The following TOMM7 variants were observed in gnomAD, a reference collection of about 807,000 sequenced individuals.
The protein encoded by TOMM7 is translocase of outer mitochondrial membrane 7, also known as mitochondrial import receptor subunit TOM7 homolog.
A neutral mutation model predicts 9.5 loss-of-function variants in TOMM7; 8 were observed. That is an observed-to-expected ratio of 0.84 (90% CI 0.49 to 1.51). The LOEUF is 1.51. TOMM7 is among the 40% of genes most tolerant of loss of function. The pLI is 0.00. For missense variants in TOMM7, 74 were observed against 63.7 expected, an observed-to-expected ratio of 1.16 and a Z score of -0.55; for synonymous variants, 27 against 21.4, an observed-to-expected ratio of 1.26 and a Z score of -0.72.
chr7:22,818,150 A>T, intron 1 of TOMM7, 102 bp from the exon 2 acceptor site: 1 of 1,118,884 alleles, frequency 8.9e-7, no homozygotes, highest in Non-Finnish European at 1.3e-6. Flanking sequence ...AACCTAGGAT[A>T]GTTAGAATGA....
intron 1 of TOMM7, chr7:22,822,184 C>A (rs771915556): frequency 1.9e-6 from 3 of 1,550,768 alleles, no homozygotes; most frequent in South Asian, 2.4e-5. Context: ...TAGAAATCAT[C>A]CAAACCCTTC....
At chr7:22,819,660 T>A (rs1009820896) in intron 1 of TOMM7, among the ~76,000 whole-genome samples, 20 of 152,216 alleles carry the variant, frequency 1.3e-4, no homozygotes, top group Non-Finnish European at 2.9e-4. Flanking sequence ...CTGCAGGAGA[T>A]TAACTGGAGT....
At chr7:22,822,532 C>A (rs1210840088) in intron 1 of TOMM7, 145 bp downstream of exon 1, 2 of 781,760 alleles carry the variant, frequency 2.6e-6, no homozygotes, top group Non-Finnish European at 4.3e-6. Flanking sequence ...CAGGTTAGAT[C>A]GGCCCCACTT....
At position 22,822,752 on chromosome 7, in the gene TOMM7, G is replaced by A; in HGVS notation, c.28C>T (p.Gln10Ter). 6.2e-7 allele frequency: 1 copy of A among 1,614,216 alleles called. No individual in the cohort carries two copies. Among genetic ancestry groups the A allele is most frequent in the Non-Finnish European group, 8.5e-7 (1 of 1,180,026 alleles). MVKLSKEAK[Q>*]RLQQLFKGSQ... Reference sequence around the variant, plus strand: ...CCCTTGAAGAGCTGCTGTAGTCTCTGCTTGGCCTCTTTGCTCAGCTTCACC... The same window carrying A: ...CCCTTGAAGAGCTGCTGTAGTCTCTACTTGGCCTCTTTGCTCAGCTTCACC... Residue 10 changes from glutamine (Q) to a stop codon, truncating the protein, a stop_gained, in exon 1 of 3, where the codon CAG becomes TAG. Coordinates refer to ENST00000358435, the MANE Select transcript of TOMM7 (RefSeq NM_019059.5). LOFTEE classifies it high-confidence loss of function.
rs1192413311 is a variant in TOMM7 at position 22,822,241 on chromosome 7, T to A, written c.103+436A>T. The A allele has an allele frequency of 1.9e-6, 3 of 1,550,748 alleles. No individual in the cohort carries two copies. The East Asian group carries it at 7.3e-5, about 38-fold the overall frequency. On this transcript the variant is annotated intron_variant, in intron 1 of 2. Coordinates refer to ENST00000358435, the MANE Select transcript of TOMM7 (RefSeq NM_019059.5). Reference sequence around the variant, plus strand: ...AGGCATCCAACGACTATTATTATAATCATGCTTTCATGGCAGTGGTACTTT... The same window carrying A: ...AGGCATCCAACGACTATTATTATAAACATGCTTTCATGGCAGTGGTACTTT...
intron 1 of TOMM7, among the ~76,000 whole-genome samples, chr7:22,821,123 A>G (rs1488168038): frequency 1.3e-5 from 2 of 152,238 alleles, no homozygotes; most frequent in Non-Finnish European, 2.9e-5. Flanking sequence ...TTAAAAAGAA[A>G]AAACTTGGCC....
Position 22,813,166 on chromosome 7 carries a change from T to A in TOMM7, c.*4A>T, listed in dbSNP as rs772570431. 1.1e-5 allele frequency: 18 copies of A among 1,613,442 alleles called. No homozygotes were observed. The highest frequency in any genetic ancestry group is 1.5e-5 in the Non-Finnish European group (18 of 1,179,702). ...CCTCCAAATCCAGAAGACCAAATAA[T>A]CCTTTATCCCCAAAGTAGGCTAAAA... On this transcript the variant is annotated 3_prime_UTR_variant, in exon 3 of 3. Transcript: ENST00000358435.
intron 1 of TOMM7, among the ~76,000 whole-genome samples, chr7:22,820,719 G>A (rs1782376257): frequency 6.6e-6 from 1 of 152,272 alleles, no homozygotes; most frequent in African/African-American, 2.4e-5. Context: ...GGGAGGTGCT[G>A]CAAGAATAGT....
intron 2 of TOMM7, among the ~76,000 whole-genome samples, chr7:22,814,483 C>T (rs1782291908): frequency 6.6e-6 from 1 of 152,038 alleles, no homozygotes; most frequent in South Asian, 2.1e-4. Flanking sequence ...TGCGCCACTG[C>T]ACTCCAGCCT....
At chr7:22,822,234 A>AT in intron 1 of TOMM7, 1 of 1,550,900 alleles carries the variant, frequency 6.4e-7, no homozygotes, top group South Asian at 1.2e-5. Flanking sequence ...AACGACTATT[A>AT]TTATAATCAT....
At chr7:22,822,016 A>G in intron 1 of TOMM7, 1 of 1,097,632 alleles carries the variant, frequency 9.1e-7, no homozygotes, top group Non-Finnish European at 1.2e-6. Context: ...AAAAACCAAA[A>G]AAACCCCAAA....
rs113933903 is a variant in TOMM7 at position 22,821,351 on chromosome 7, A to G, written c.103+1326T>C. Among the ~76,000 whole-genome samples the G allele has an allele frequency of 7.5e-3, 1,132 of 150,236 alleles. 7 individuals carry two copies. Among genetic ancestry groups the G allele is most frequent in the Middle Eastern group, 0.034 (10 of 292 alleles). On this transcript the variant is annotated intron_variant, in intron 1 of 2. Coordinates refer to ENST00000358435, the MANE Select transcript of TOMM7 (RefSeq NM_019059.5). ...CGAGAACCCGGGAGGCGGAGCTTGC[A>G]GTGAGCTGAGATCGCGCCACTGCAC...
chr7:22,820,604 A>G (rs1258778688), intron 1 of TOMM7, among the ~76,000 whole-genome samples: 1 of 152,212 alleles, frequency 6.6e-6, no homozygotes, highest in Non-Finnish European at 1.5e-5. Flanking sequence ...AAGAAGGGGA[A>G]GAATCAAGCT....
intron 2 of TOMM7, among the ~76,000 whole-genome samples, chr7:22,814,496 G>A (rs1049124590): frequency 6.6e-6 from 1 of 152,062 alleles, no homozygotes; most frequent in Non-Finnish European, 1.5e-5. Flanking sequence ...TCCAGCCTGG[G>A]TGACAGAAAA....
intron 1 of TOMM7, among the ~76,000 whole-genome samples, chr7:22,819,770 A>C (rs1782363161): frequency 6.6e-6 from 1 of 152,194 alleles, no homozygotes; most frequent in South Asian, 2.1e-4. Context: ...CATCCTCAAA[A>C]GATAATATGG....
intron 1 of TOMM7, among the ~76,000 whole-genome samples, chr7:22,821,683 G>A (rs937884086): frequency 6.6e-6 from 1 of 151,876 alleles, no homozygotes; most frequent in Non-Finnish European, 1.5e-5. Context: ...CCGAGAGGCA[G>A]AGATTGCGGT....
chr7:22,815,554 T>TA (rs1443065347), intron 2 of TOMM7, among the ~76,000 whole-genome samples: 3 of 151,762 alleles, frequency 2.0e-5, no homozygotes, highest in Admixed American at 6.6e-5. Context: ...AAATAAAATA[T>TA]AAAAAACCCA....
At chr7:22,822,134 C>T (rs930140487) in intron 1 of TOMM7, 7 of 1,549,592 alleles carry the variant, frequency 4.5e-6, no homozygotes, top group Non-Finnish European at 6.1e-6. Flanking sequence ...AAAAAAGTTT[C>T]TCTACGGCTG....
chr7:22,814,035 G>C lies in TOMM7; in HGVS notation c.153-850C>G, dbSNP rs59759187. Among the ~76,000 whole-genome samples, 1,085 of 150,210 alleles carry C rather than the reference G, an allele frequency of 7.2e-3. 7 individuals carry two copies. The highest frequency in any genetic ancestry group is 0.037 in the Middle Eastern group (11 of 294). ...CCTAAGTATTTTTGCACACAGTTAA[G>C]ATATGAAAATAAATTATTGGCCAGG... On this transcript the variant is annotated intron_variant, in intron 2 of 2. Coordinates refer to ENST00000358435, the MANE Select transcript of TOMM7 (RefSeq NM_019059.5).
Sources: gnomAD v4.1 joint callset for allele counts (sites outside exome capture counted in the v4.1 genomes callset) on GRCh38, gnomAD v4.1.1 for gene constraint, MANE v1.5 for transcripts, NCBI Gene and HGNC (gene_info 2026-07-23, HGNC 2026-07-21) for gene names.